The following SLC7A9 variants were observed in gnomAD, a reference collection of about 807,000 sequenced individuals.
The protein encoded by SLC7A9 is solute carrier family 7 member 9.
Under a neutral mutation model 54.1 loss-of-function variants are expected in SLC7A9, and 38 were observed. The ratio of observed to expected loss-of-function variants is 0.70; its 90% CI spans 0.54 to 0.92. The LOEUF (loss-of-function observed/expected upper bound fraction) is 0.92. Among genes scored for constraint, SLC7A9 ranks in the 40% least tolerant of loss-of-function variants. The pLI is 0.00. For synonymous variants in SLC7A9, 264 were observed against 258.9 expected (o/e 1.02, Z -0.19); for missense variants, 537 against 636.1 (o/e 0.84, Z 1.68).
chr19:32,866,138 CT>C (rs1968964493), intron 2 of SLC7A9, among the ~76,000 whole-genome samples: 1 of 152,158 alleles, frequency 6.6e-6, no homozygotes, highest in African/African-American at 2.4e-5. Flanking sequence ...AGAAGCTGGG[CT>C]TGGAGTCAGA....
chr19:32,832,111 A>G lies in SLC7A9; in HGVS notation c.1399+1038T>C, dbSNP rs550037747. On this transcript the variant is annotated intron_variant, in intron 12 of 12. Coordinates refer to ENST00000023064, the MANE Select transcript of SLC7A9 (RefSeq NM_014270.5). The stretch of plus-strand genomic sequence containing the variant: ...GCCAACATGATGAAACCCCGACTCT[A>G]CTAAAAATACAAAACAACAACAAGG... Among the ~76,000 whole-genome samples the G allele has an allele frequency of 2.1e-3, 323 of 151,974 alleles. 2 individuals are homozygous for G. Among genetic ancestry groups the G allele is most frequent in the African/African-American group, 7.5e-3 (311 of 41,462 alleles).
At chr19:32,854,936 T>C (rs1233459968) in intron 9 of SLC7A9, among the ~76,000 whole-genome samples, 2 of 152,076 alleles carry the variant, frequency 1.3e-5, no homozygotes, top group African/African-American at 4.8e-5. Context: ...ATACCTGCAC[T>C]CCTATGTACC....
chr19:32,832,884 G>A, intron 12 of SLC7A9: 1 of 437,536 alleles, frequency 2.3e-6, no homozygotes, highest in Non-Finnish European at 4.3e-6. Context: ...ACTTTAGCCT[G>A]GGCAACAGAG....
At chr19:32,858,270 TG>T (rs1968685682) in intron 9 of SLC7A9, among the ~76,000 whole-genome samples, 169 bp downstream of exon 9, 1 of 152,110 alleles carries the variant, frequency 6.6e-6, no homozygotes, top group Non-Finnish European at 1.5e-5. Context: ...CTGGCCAGTT[TG>T]CGGTGTGGGT....
intron 10 of SLC7A9, among the ~76,000 whole-genome samples, chr19:32,842,958 G>C (rs986180284): frequency 6.6e-6 from 1 of 152,190 alleles, no homozygotes; most frequent in Non-Finnish European, 1.5e-5. Context: ...CTCAGGTCTA[G>C]TCTTGGCCTG....
intron 11 of SLC7A9, among the ~76,000 whole-genome samples, chr19:32,838,756 TAC>T (rs1166820879): frequency 3.4e-5 from 5 of 148,328 alleles, no homozygotes; most frequent in Non-Finnish European, 5.9e-5. Flanking sequence ...GATACACATA[TAC>T]ATATATACAT....
At chr19:32,852,961 T>A (rs1968513375) in intron 9 of SLC7A9, among the ~76,000 whole-genome samples, 1 of 146,720 alleles carries the variant, frequency 6.8e-6, no homozygotes, top group African/African-American at 2.5e-5. Context: ...TCACCCAGGC[T>A]GGAGTGCAAT....
At chr19:32,839,323 A>AG (rs1599655421) in intron 11 of SLC7A9, among the ~76,000 whole-genome samples, 1 of 152,018 alleles carries the variant, frequency 6.6e-6, no homozygotes, top group African/African-American at 2.4e-5. Flanking sequence ...GGAAGGCTGA[A>AG]GTGGGTGGAT....
intron 10 of SLC7A9, among the ~76,000 whole-genome samples, chr19:32,843,267 G>A (rs973455761): frequency 1.3e-5 from 2 of 152,028 alleles, no homozygotes; most frequent in South Asian, 4.2e-4. Context: ...GACCAGCCTG[G>A]CCAGCATGGT....
At chr19:32,831,862 A>C (rs1315036711) in intron 12 of SLC7A9, among the ~76,000 whole-genome samples, 1 of 152,254 alleles carries the variant, frequency 6.6e-6, no homozygotes, top group Non-Finnish European at 1.5e-5. Flanking sequence ...CATATCAGAC[A>C]AAGGAGAATG....
chr19:32,868,427 C>A, intron 2 of SLC7A9, 21 bp downstream of exon 2: 1 of 1,605,344 alleles, frequency 6.2e-7, no homozygotes, highest in Non-Finnish European at 8.5e-7. Flanking sequence ...AAAGGGCCTG[C>A]CCCACCAGAG....
Position 32,864,746 on chromosome 19 carries a change from C to T in SLC7A9, c.118G>A (p.Val40Met). The T allele has an allele frequency of 6.8e-6, 11 of 1,614,166 alleles. No individual in the cohort carries two copies. The highest frequency in any genetic ancestry group is 2.2e-5 in the South Asian group (2 of 91,076). The part of the protein sequence containing the change: ...LGLISGISII[V>M]GTIIGSGIFV... ...ATCCCAGAGCCAATGATGGTGCCCA[C>T]GATGATGGAGATGCCACTGATGAGG... is the stretch of plus-strand genomic sequence containing the variant. Residue 40 changes from valine (V) to methionine (M), a missense_variant, in exon 3 of 13, where the codon GTG (valine) becomes ATG (methionine). Coordinates refer to ENST00000023064, the MANE Select transcript of SLC7A9 (RefSeq NM_014270.5).
At chr19:32,839,603 T>G (rs1358990554) in intron 11 of SLC7A9, among the ~76,000 whole-genome samples, 1 of 152,018 alleles carries the variant, frequency 6.6e-6, no homozygotes, top group African/African-American at 2.4e-5. Flanking sequence ...CTTGAGTTCT[T>G]TCATACTAGT....
At chr19:32,840,697 T>G (rs1163357071) in intron 11 of SLC7A9, among the ~76,000 whole-genome samples, 1 of 152,132 alleles carries the variant, frequency 6.6e-6, no homozygotes, top group Admixed American at 6.6e-5. Context: ...TCCTTATCCT[T>G]CTGGAAAGGA....
At chr19:32,846,031 G>A (rs1968281034) in intron 9 of SLC7A9, among the ~76,000 whole-genome samples, 1 of 152,124 alleles carries the variant, frequency 6.6e-6, no homozygotes, top group Admixed American at 6.5e-5. Flanking sequence ...AGAATTGATG[G>A]GGGCATGGAG....
Position 32,830,604 on chromosome 19 carries a change from C to T in SLC7A9, c.*16G>A. ...AAAATAAATTCAGCTGACTTGGCTA[C>T]AAGAGACGGAGCTTGTTACTCAGGG... On this transcript the variant is annotated 3_prime_UTR_variant, in exon 13 of 13. Coordinates refer to ENST00000023064, the MANE Select transcript of SLC7A9 (RefSeq NM_014270.5). 1 of 1,603,788 alleles carries T rather than the reference C, an allele frequency of 6.2e-7. No individual in the cohort carries two copies. The highest frequency in any genetic ancestry group is 1.1e-5 in the South Asian group (1 of 90,876).
At chr19:32,843,126 C>G (rs960313137) in intron 10 of SLC7A9, among the ~76,000 whole-genome samples, 3 of 152,098 alleles carry the variant, frequency 2.0e-5, no homozygotes, top group Non-Finnish European at 4.4e-5. Flanking sequence ...TTGCACAAAA[C>G]AAGAACCATG....
chr19:32,835,885 T>C (rs1475608298), intron 11 of SLC7A9, among the ~76,000 whole-genome samples: 1 of 146,708 alleles, frequency 6.8e-6, no homozygotes, highest in East Asian at 2.1e-4. Context: ...TAGGAATTTA[T>C]GTACTGTGTG....
At chr19:32,841,003 C>A (rs1395771817) in intron 11 of SLC7A9, among the ~76,000 whole-genome samples, 1 of 152,132 alleles carries the variant, frequency 6.6e-6, no homozygotes, top group Non-Finnish European at 1.5e-5. Context: ...CAAGTCTATG[C>A]TACCGTCATA....
Sources: gnomAD v4.1 joint callset for allele counts (sites outside exome capture counted in the v4.1 genomes callset) on GRCh38, gnomAD v4.1.1 for gene constraint, MANE v1.5 for transcripts, NCBI Gene and HGNC (gene_info 2026-07-23, HGNC 2026-07-21) for gene names.